The following CSNK2A2IP variants were observed in gnomAD, a reference collection of about 807,000 sequenced individuals.
CSNK2A2IP encodes the protein casein kinase II subunit alpha'-interacting protein.
the CSNK2A2IP span, among the ~76,000 whole-genome samples, chr3:88,426,889 TG>T: frequency 0.13 from 16,705 of 123,804 alleles, 1,405 homozygotes; most frequent in Admixed American, 0.3. Context: ...CCACGGGGGA[TG>T]GGGGGGGGCG....
chr3:88,446,026 TTTCTTTTCTTTC>T, the CSNK2A2IP span, among the ~76,000 whole-genome samples: 6,896 of 113,404 alleles, frequency 0.061, 537 homozygotes, highest in Non-Finnish European at 0.08. Flanking sequence ...TCTTTCTTTG[TTTCTTTTCTTTC>T]TTTCTTTCTT....
At chr3:88,411,387 AT>A in the CSNK2A2IP span, among the ~76,000 whole-genome samples, 1 of 121,022 alleles carries the variant, frequency 8.3e-6, no homozygotes. Flanking sequence ...CTGTCTATCT[AT>A]CTATCTATCT....
At chr3:88,426,687 A>C in the CSNK2A2IP span, among the ~76,000 whole-genome samples, 1 of 152,100 alleles carries the variant, frequency 6.6e-6, no homozygotes, top group Non-Finnish European at 1.5e-5. Flanking sequence ...CCTTTTGCTC[A>C]GCAGCTTTCC....
chr3:88,446,030 T>TTTTCTCTTTCTTTCTTTCTTTC, the CSNK2A2IP span, among the ~76,000 whole-genome samples: 6 of 58,092 alleles, frequency 1.0e-4, no homozygotes, highest in South Asian at 6.7e-4. Context: ...TCTTTGTTTC[T>TTTTCTCTTTCTTTCTTTCTTTC]TTTCTTTCTT....
At chr3:88,444,376 T>C in the CSNK2A2IP span, among the ~76,000 whole-genome samples, 1 of 152,206 alleles carries the variant, frequency 6.6e-6, no homozygotes, top group African/African-American at 2.4e-5. Context: ...AAGCTTATTT[T>C]CTAATAAGGG....
chr3:88,379,425 T>C, the CSNK2A2IP span, among the ~76,000 whole-genome samples: 2 of 152,070 alleles, frequency 1.3e-5, no homozygotes, highest in African/African-American at 2.4e-5. Flanking sequence ...GCATTCTCTG[T>C]TTTAGAGGAG....
the CSNK2A2IP span, chr3:88,382,756 G>C: frequency 2.2e-4 from 33 of 152,294 alleles, no homozygotes; most frequent in African/African-American, 7.2e-4. Flanking sequence ...CCCCCTGATT[G>C]AAGCAACTCT....
the CSNK2A2IP span, among the ~76,000 whole-genome samples, chr3:88,417,885 G>A: frequency 3.9e-5 from 6 of 152,306 alleles, no homozygotes; most frequent in East Asian, 1.2e-3. Flanking sequence ...GTACATATGT[G>A]TATTAGAATA....
the CSNK2A2IP span, chr3:88,466,876 C>A: frequency 8.4e-7 from 1 of 1,183,858 alleles, no homozygotes; most frequent in Non-Finnish European, 1.1e-6. Flanking sequence ...CATACCAACA[C>A]CTGAGGCCAA....
the CSNK2A2IP span, among the ~76,000 whole-genome samples, chr3:88,428,127 AG>A: frequency 6.6e-6 from 1 of 152,178 alleles, no homozygotes; most frequent in Non-Finnish European, 1.5e-5. Flanking sequence ...ATGGAGTCAA[AG>A]GAGATCATTT....
At chr3:88,414,901 C>T in the CSNK2A2IP span, among the ~76,000 whole-genome samples, 2 of 151,806 alleles carry the variant, frequency 1.3e-5, no homozygotes, top group African/African-American at 4.9e-5. Flanking sequence ...AAATTATATG[C>T]TATTCAACAG....
chr3:88,438,260 G>C, the CSNK2A2IP span, among the ~76,000 whole-genome samples: 479 of 152,224 alleles, frequency 3.1e-3, 2 homozygotes, highest in African/African-American at 0.011. Flanking sequence ...GGGCTCAAAA[G>C]ATAATACTTT....
chr3:88,400,574 T>A, the CSNK2A2IP span, among the ~76,000 whole-genome samples: 1 of 152,146 alleles, frequency 6.6e-6, no homozygotes, highest in East Asian at 1.9e-4. Context: ...AAATTGGAGA[T>A]CATTTTCTAG....
chr3:88,373,593 G>A, the CSNK2A2IP span, among the ~76,000 whole-genome samples: 1 of 74,542 alleles, frequency 1.3e-5, no homozygotes, highest in African/African-American at 4.0e-5. Context: ...CAAATTAAAT[G>A]TAATGAAAGT....
chr3:88,388,373 G>A, the CSNK2A2IP span, among the ~76,000 whole-genome samples: 1 of 152,052 alleles, frequency 6.6e-6, no homozygotes, highest in Non-Finnish European at 1.5e-5. Context: ...TCCAGTTTCT[G>A]CACATATATT....
At chr3:88,442,079 T>A in the CSNK2A2IP span, among the ~76,000 whole-genome samples, 1 of 152,194 alleles carries the variant, frequency 6.6e-6, no homozygotes, top group African/African-American at 2.4e-5. Context: ...CAAAATCCAT[T>A]TATCTCATGT....
chr3:88,437,739 C>A, the CSNK2A2IP span, among the ~76,000 whole-genome samples: 12 of 152,258 alleles, frequency 7.9e-5, no homozygotes, highest in East Asian at 2.3e-3. Flanking sequence ...GTGTTAAAAA[C>A]AGGTGTTTTA....
the CSNK2A2IP span, among the ~76,000 whole-genome samples, chr3:88,457,236 T>G: frequency 6.6e-6 from 1 of 152,212 alleles, no homozygotes; most frequent in Non-Finnish European, 1.5e-5. Flanking sequence ...TGTTAAAATA[T>G]TTTGTCAAAT....
At chr3:88,407,502 C>A in the CSNK2A2IP span, among the ~76,000 whole-genome samples, 1 of 151,978 alleles carries the variant, frequency 6.6e-6, no homozygotes, top group Non-Finnish European at 1.5e-5. Flanking sequence ...CTGAAAATAA[C>A]CTCTTTTCAC....
Sources: allele counts gnomAD v4.1 joint callset (sites outside exome capture counted in the v4.1 genomes callset), GRCh38; gene constraint gnomAD v4.1.1; transcripts MANE v1.5; gene names NCBI Gene and HGNC (gene_info 2026-07-23, HGNC 2026-07-21).